TRIM59: variants seen among roughly 807,000 people sequenced by gnomAD.
The protein encoded by TRIM59 is tripartite motif containing 59.
TRIM59 carries 14 observed loss-of-function variants against 32.2 expected under a neutral mutation model. The observed-to-expected ratio is 0.43, with a 90% CI of 0.29 to 0.68. The LOEUF is 0.68. Ranked by LOEUF, TRIM59 falls within the 30% of genes least tolerant of loss-of-function variation. The pLI, the probability that TRIM59 is intolerant of heterozygous loss-of-function variation, is 0.15. For synonymous variants in TRIM59, 163 were observed against 155.1 expected (o/e 1.05, Z -0.38); for missense variants, 471 against 463.3 (o/e 1.02, Z -0.15).
rs538957200 is a variant in TRIM59 at position 160,441,753 on chromosome 3, CAAAAAAAAAAAA to C, written c.-3-2579_-3-2568del. Among the ~76,000 whole-genome samples the C allele has an allele frequency of 3.7e-3, 187 of 50,130 alleles. 1 individual carries two copies. The highest frequency in any genetic ancestry group is 0.011 in the African/African-American group (174 of 16,490). 32.9% of individuals were successfully genotyped at this position (50,130 alleles called of 152,430 possible). ...TGGGCAACAGAGTGAGACTCCATCTCAAAAAAAAAAAAAAAAAAAGAAAAAAGAAAAAAAGCA... is the reference window on the plus strand; with the variant it reads ...TGGGCAACAGAGTGAGACTCCATCTCAAAAAAAGAAAAAAGAAAAAAAGCA... On this transcript the variant is annotated intron_variant, in intron 2 of 2. Transcript: ENST00000309784.
rs1719728931 is a variant in TRIM59 at position 160,449,780 on chromosome 3, G to C, written c.-137C>G. On this transcript the variant is annotated 5_prime_UTR_variant, in exon 1 of 3. Transcript: ENST00000309784. ...AAACACAGCGCCACGAGCTCCAGGC[G>C]GATGCTGAGAGCCGCCCCGAGTCCC... is the stretch of plus-strand genomic sequence containing the variant. The C allele has an allele frequency of 1.6e-6, 2 of 1,264,560 alleles. No homozygotes were observed. Among genetic ancestry groups the C allele is most frequent in the African/African-American group, 1.5e-5 (1 of 65,330 alleles). The allele number at this position is 1,264,560 out of a possible 1,614,324, so 78.3% of individuals were successfully genotyped here.
chr3:160,438,858 C>G lies in TRIM59; in HGVS notation c.326G>C (p.Cys109Ser). The change falls in exon 3 of 3, where the codon TGT (cysteine) becomes TCT (serine). Residue 109 changes from cysteine (C) to serine (S), a missense_variant. Physicochemically the swap from Cys to Ser is moderately radical, Grantham distance 112. Transcript: ENST00000309784. ...EHYRQPLNVYCLLDKKLVCGH... is the reference protein window; with the variant it reads ...EHYRQPLNVYSLLDKKLVCGH... ...ACAAACTAATTTTTTATCTAATAGA[C>G]AGTAAACATTTAATGGTTGCCTGTA... 4 of 1,613,950 alleles carry G rather than the reference C, an allele frequency of 2.5e-6. No homozygotes were observed. The highest frequency in any genetic ancestry group is 3.4e-6 in the Non-Finnish European group (4 of 1,179,952).
chr3:160,438,069 TA>T lies in TRIM59; in HGVS notation c.1114del (p.Tyr372ThrfsTer11). On this transcript the variant is annotated frameshift_variant, in exon 3 of 3. Coordinates refer to ENST00000309784, the MANE Select transcript of TRIM59 (RefSeq NM_173084.3). LOFTEE classifies it high-confidence loss of function. ...IWFSEASLSV[Y>X]QSLSNSLHKV... ...ATGCAGACTGTTAGATAAACTTTGG[TA>T]AACAGATAGAGAGGCTTCAGAAAAC... The T allele has an allele frequency of 6.2e-7, 1 of 1,610,044 alleles. No individual in the cohort carries two copies. Among genetic ancestry groups the T allele is most frequent in the Non-Finnish European group, 8.5e-7 (1 of 1,178,972 alleles).
Position 160,435,978 on chromosome 3 carries a change from G to C in TRIM59, c.*1994C>G, listed in dbSNP as rs1019293137. 1.2e-5 allele frequency: 15 copies of C among 1,270,080 alleles called. No individual in the cohort carries two copies. In the East Asian group the frequency reaches 8.5e-4, roughly 72 times the overall value. The allele number at this position is 1,270,080 out of a possible 1,614,324, so 78.7% of individuals were successfully genotyped here. Reference sequence around the variant, plus strand: ...TAATGGCTAACATTTCATTGCTTACGTGTTTTTGAAACTACAGGGCACTTT... The same window carrying C: ...TAATGGCTAACATTTCATTGCTTACCTGTTTTTGAAACTACAGGGCACTTT... On this transcript the variant is annotated 3_prime_UTR_variant, in exon 3 of 3. Transcript: ENST00000309784.
intron 2 of TRIM59, among the ~76,000 whole-genome samples, chr3:160,447,318 A>G (rs751644059): frequency 1.2e-4 from 18 of 152,340 alleles, no homozygotes; most frequent in Non-Finnish European, 2.1e-4. Context: ...GTAAAAACCA[A>G]GTTCAAGATT....
rs935475420 is a variant in TRIM59, at chr3:160,439,002, C to T, written c.182G>A (p.Ser61Asn). 1 of 1,613,408 alleles carries T rather than the reference C, an allele frequency of 6.2e-7. No homozygotes were observed. Among genetic ancestry groups the T allele is most frequent in the African/African-American group, 1.3e-5 (1 of 74,894 alleles). Residue 61 changes from serine (S) to asparagine (N), a missense_variant, in exon 3 of 3, where the codon AGT (serine) becomes AAT (asparagine). Transcript: ENST00000309784. ...RIPLKCPNCR[S>N]ITEIAPTGIE... is the part of the protein sequence containing the mutation. ...GCCAGTTGGAGCAATTTCAGTAATA[C>T]TTCTGCAATTAGGGCACTTGAGTGG...
chr3:160,437,560 T>A lies in TRIM59; in HGVS notation c.*412A>T. Reference sequence around the variant, plus strand: ...CTTTCTATCATCCTTATTCACCCATTCAAAAGCTTCAAGCCACATCAAAAT... The same window carrying A: ...CTTTCTATCATCCTTATTCACCCATACAAAAGCTTCAAGCCACATCAAAAT... On this transcript the variant is annotated 3_prime_UTR_variant, in exon 3 of 3. Transcript: ENST00000309784. 1 of 986,564 alleles carries A rather than the reference T, an allele frequency of 1.0e-6. No homozygotes were observed. Among genetic ancestry groups the A allele is most frequent in the Non-Finnish European group, 1.2e-6 (1 of 830,792 alleles). The allele number at this position is 986,564 out of a possible 1,614,324, so 61.1% of individuals were successfully genotyped here. A position where few individuals can be genotyped will look rare whatever the true frequency, so the allele number is the denominator to read the frequency against.
At chr3:160,446,993 G>A (rs1419689245) in intron 2 of TRIM59, among the ~76,000 whole-genome samples, 1 of 149,068 alleles carries the variant, frequency 6.7e-6, no homozygotes, top group Non-Finnish European at 1.5e-5. Flanking sequence ...CTGGTTTAAT[G>A]GGTACACAGT....
At chr3:160,449,272 T>C (rs1310032671) in intron 1 of TRIM59, among the ~76,000 whole-genome samples, 1 of 152,198 alleles carries the variant, frequency 6.6e-6, no homozygotes, top group Non-Finnish European at 1.5e-5. Context: ...GCTTCACATC[T>C]GTAAAATGGG....
In TRIM59 at chr3:160,436,536, C is replaced by T. The variant is rs1266263669; in HGVS notation, c.*1436G>A. On this transcript the variant is annotated 3_prime_UTR_variant, in exon 3 of 3. Coordinates refer to ENST00000309784, the MANE Select transcript of TRIM59 (RefSeq NM_173084.3). ...TTGTTGGGCCGGGCGTGGCGGCTCA[C>T]GCCTATAATCCCAGCATTTTGGGAG... The T allele has an allele frequency of 9.1e-6, 9 of 985,114 alleles. No homozygotes were observed. The highest frequency in any genetic ancestry group is 6.2e-5 in the Admixed American group (1 of 16,258). The allele number at this position is 985,114 out of a possible 1,614,324, so 61.0% of individuals were successfully genotyped here.
chr3:160,439,924 T>C (rs968084500), intron 2 of TRIM59, among the ~76,000 whole-genome samples: 2 of 152,182 alleles, frequency 1.3e-5, no homozygotes, highest in Admixed American at 1.3e-4. Context: ...GATGATAAAA[T>C]CAAAACCAAG....
chr3:160,449,755 A>G lies in TRIM59; in HGVS notation c.-112T>C. The G allele has an allele frequency of 1.6e-6, 2 of 1,286,800 alleles. No homozygotes were observed. The highest frequency in any genetic ancestry group is 2.0e-6 in the Non-Finnish European group (2 of 986,138). 79.7% of individuals were successfully genotyped at this position (1,286,800 alleles called of 1,614,324 possible). ...CGGACCAGGCAACTCCACAGCACGG[A>G]AACACAGCGCCACGAGCTCCAGGCG... On this transcript the variant is annotated 5_prime_UTR_variant, in exon 1 of 3. Transcript: ENST00000309784.
chr3:160,438,010 A>T lies in TRIM59; in HGVS notation c.1174T>A (p.Leu392Met). 6.4e-7 allele frequency: 1 copy of T among 1,561,174 alleles called. No homozygotes were observed. The highest frequency in any genetic ancestry group is 8.6e-7 in the Non-Finnish European group (1 of 1,160,148). The change falls in exon 3 of 3, where the codon TTG (leucine) becomes ATG (methionine). Residue 392 changes from leucine (L) to methionine (M), a missense_variant. Leu to Met is a conservative substitution (Grantham distance 15). Coordinates refer to ENST00000309784, the MANE Select transcript of TRIM59 (RefSeq NM_173084.3). ...ATTTTCCACACAAATTCCTTCAACAAATAGAAAATGTGACACAGTATATTC... is the reference window on the plus strand; with the variant it reads ...ATTTTCCACACAAATTCCTTCAACATATAGAAAATGTGACACAGTATATTC... ...VKNILCHIFY[L>M]LKEFVWKIVS...
rs747189932 is a variant in TRIM59, at chr3:160,437,420, G to C, written c.*552C>G. On this transcript the variant is annotated 3_prime_UTR_variant, in exon 3 of 3. Transcript: ENST00000309784. ...CAAAAGCAATAGTTTTATTTGGAGT[G>C]AATGGTGATAAGCATTTAGGGCTCT... The C allele has an allele frequency of 7.1e-6, 7 of 985,282 alleles. No homozygotes were observed. The highest frequency in any genetic ancestry group is 8.4e-6 in the Non-Finnish European group (7 of 829,934). The allele number at this position is 985,282 out of a possible 1,614,324, so 61.0% of individuals were successfully genotyped here. A position where few individuals can be genotyped will look rare whatever the true frequency, so the allele number is the denominator to read the frequency against.
rs1718919655 is a variant in TRIM59 at position 160,435,956 on chromosome 3, T to C, written c.*2016A>G. The C allele has an allele frequency of 1.6e-5, 21 of 1,281,044 alleles. No individual in the cohort carries two copies. The highest frequency in any genetic ancestry group is 2.1e-5 in the Non-Finnish European group (21 of 985,620). The allele number at this position is 1,281,044 out of a possible 1,614,324, so 79.4% of individuals were successfully genotyped here. On this transcript the variant is annotated 3_prime_UTR_variant, in exon 3 of 3. Coordinates refer to ENST00000309784, the MANE Select transcript of TRIM59 (RefSeq NM_173084.3). ...TGAGATTAAGTAGTTTAACACATAA[T>C]GGCTAACATTTCATTGCTTACGTGT...
At chr3:160,449,547 A>G in intron 1 of TRIM59, 170 bp downstream of exon 1, 3 of 1,263,894 alleles carry the variant, frequency 2.4e-6, no homozygotes, top group Non-Finnish European at 3.1e-6. Flanking sequence ...TGGCTCCCCA[A>G]ACTCCAGTAT....
chr3:160,436,367 A>C lies in TRIM59; in HGVS notation c.*1605T>G, dbSNP rs1718945883. On this transcript the variant is annotated 3_prime_UTR_variant, in exon 3 of 3. Coordinates refer to ENST00000309784, the MANE Select transcript of TRIM59 (RefSeq NM_173084.3). ...AGAGCAGCCCCTTTGGGATTTCTGG[A>C]AAGCAAATCAACCTGCACTTAGAGT... The C allele has an allele frequency of 1.0e-6, 1 of 986,036 alleles. No homozygotes were observed. Among genetic ancestry groups the C allele is most frequent in the South Asian group, 4.7e-5 (1 of 21,302 alleles). The allele number at this position is 986,036 out of a possible 1,614,324, so 61.1% of individuals were successfully genotyped here.
Position 160,436,565 on chromosome 3 carries a change from G to A in TRIM59, c.*1407C>T. The A allele has an allele frequency of 1.0e-6, 1 of 962,036 alleles. No individual in the cohort carries two copies. The highest frequency in any genetic ancestry group is 1.2e-6 in the Non-Finnish European group (1 of 808,528). 59.6% of individuals were successfully genotyped at this position (962,036 alleles called of 1,614,324 possible). ...TATAATCCCAGCATTTTGGGAGGCT[G>A]AGGCGAGTGGATCATGAGGTCAGGA... is the stretch of plus-strand genomic sequence containing the variant. On this transcript the variant is annotated 3_prime_UTR_variant, in exon 3 of 3. Transcript: ENST00000309784.
chr3:160,446,760 T>G (rs1394855891), intron 2 of TRIM59, among the ~76,000 whole-genome samples: 3 of 152,174 alleles, frequency 2.0e-5, no homozygotes, highest in Non-Finnish European at 2.9e-5. Flanking sequence ...GAGCTCCGCC[T>G]CCTGCCAGTG....
Sources: allele counts gnomAD v4.1 joint callset (sites outside exome capture counted in the v4.1 genomes callset), GRCh38; gene constraint gnomAD v4.1.1; transcripts MANE v1.5; gene names NCBI Gene and HGNC (gene_info 2026-07-23, HGNC 2026-07-21).